The following IRAG2 variants were observed in gnomAD, a reference collection of about 807,000 sequenced individuals.
The protein encoded by IRAG2 is lymphoid restricted membrane protein.
In IRAG2, 45 loss-of-function variants were observed where a neutral mutation model predicts 69.9. The observed-to-expected ratio is 0.64, with a 90% CI of 0.51 to 0.83. The LOEUF (loss-of-function observed/expected upper bound fraction) is 0.83. IRAG2 is among the 40% of genes least tolerant of loss of function. IRAG2 has a pLI of 0.00. For missense variants in IRAG2, 520 were observed against 587.0 expected (o/e 0.89, Z 1.18); for synonymous variants, 193 against 202.4 (o/e 0.95, Z 0.40).
At position 25,103,994 on chromosome 12, in the gene IRAG2, G is replaced by T; in HGVS notation, c.997-15G>T. 6.2e-7 allele frequency: 1 copy of T among 1,612,184 alleles called. No individual in the cohort carries two copies. ...TATTTTATCATTTCTTTTAACATTT[G>T]AACTTCTACTAAAGGTGGCTGGGAT... On this transcript the variant is annotated splice_polypyrimidine_tract_variant and intron_variant, in intron 18 of 21. Coordinates refer to ENST00000556887, the MANE Select transcript of IRAG2 (RefSeq NM_001366544.2).
At chr12:25,038,448 A>T (rs555818438) in intron 16 of IRAG2, among the ~76,000 whole-genome samples, 1 of 152,050 alleles carries the variant, frequency 6.6e-6, no homozygotes, top group African/African-American at 2.4e-5. Flanking sequence ...TTTGAGACCA[A>T]CCTGGCCAAC....
At chr12:25,063,149 G>A (rs1045400902) in intron 3 of IRAG2, among the ~76,000 whole-genome samples, 3 of 152,120 alleles carry the variant, frequency 2.0e-5, no homozygotes, top group Non-Finnish European at 2.9e-5. Context: ...TGCAACCTCC[G>A]CCTCCTGGGT....
rs1944517623 is a variant in IRAG2 at position 25,015,263 on chromosome 12, T to C, written c.976+2T>C. ...ATGGCATAAAATCAGATGGAACAAG[T>C]ATGTATGTGTTTCTTCAGGATTGTT... On this transcript the variant is annotated splice_donor_variant, in intron 4 of 38. Coordinates refer to the IRAG2 transcript ENST00000636465. LOFTEE classifies it high-confidence loss of function. 8.1e-7 allele frequency: 1 copy of C among 1,228,710 alleles called. No individual in the cohort carries two copies. The highest frequency in any genetic ancestry group is 1.0e-6 in the Non-Finnish European group (1 of 987,080). 76.1% of individuals were successfully genotyped at this position (1,228,710 alleles called of 1,614,324 possible).
intron 4 of IRAG2, 142 bp from the exon 5 acceptor site, chr12:25,066,223 T>C (rs1034392059): frequency 1.3e-5 from 5 of 384,044 alleles, no homozygotes; most frequent in African/African-American, 1.0e-4. Flanking sequence ...TGATTAGGCA[T>C]CAAGGGAGTT....
At chr12:25,054,143 T>A (rs1431959729) in intron 1 of IRAG2, among the ~76,000 whole-genome samples, 1 of 152,230 alleles carries the variant, frequency 6.6e-6, no homozygotes, top group Admixed American at 6.5e-5. Context: ...TCATAATTTT[T>A]AAACCTTTAT....
At chr12:25,087,927 C>T (rs1236944264) in intron 10 of IRAG2, among the ~76,000 whole-genome samples, 173 bp from the exon 11 acceptor site, 4 of 152,164 alleles carry the variant, frequency 2.6e-5, no homozygotes, top group African/African-American at 9.7e-5. Context: ...CTCACCTCAC[C>T]CCCGTGGAAA....
chr12:25,057,085 C>T (rs1302093855), intron 1 of IRAG2, among the ~76,000 whole-genome samples: 3 of 152,032 alleles, frequency 2.0e-5, no homozygotes, highest in African/African-American at 7.3e-5. Flanking sequence ...CATTTCCACT[C>T]TCTTGTTTTT....
At chr12:25,078,321 A>G (rs1041920094) in intron 6 of IRAG2, among the ~76,000 whole-genome samples, 4 of 152,186 alleles carry the variant, frequency 2.6e-5, no homozygotes, top group Non-Finnish European at 4.4e-5. Flanking sequence ...GTCTGTGACT[A>G]TGGGAGATAC....
chr12:25,061,361 A>C (rs1945625302), intron 1 of IRAG2, among the ~76,000 whole-genome samples: 1 of 152,138 alleles, frequency 6.6e-6, no homozygotes, highest in Non-Finnish European at 1.5e-5. Context: ...CCATCTCTAC[A>C]AAAAATACCA....
In IRAG2 at chr12:25,103,916, G is replaced by C. The variant is rs776210597; in HGVS notation, c.996+17G>C. On this transcript the variant is annotated intron_variant, in intron 18 of 21. Transcript: ENST00000556887. ...GCAGGAATGGTAAGACAATTCCTAA[G>C]TGTTCTTAGTCAAAGGTAAATTCAT... is the stretch of plus-strand genomic sequence containing the variant. 5.6e-6 allele frequency: 9 copies of C among 1,608,732 alleles called. No individual in the cohort carries two copies. Among genetic ancestry groups the C allele is most frequent in the Non-Finnish European group, 6.8e-6 (8 of 1,175,382 alleles).
In IRAG2 at chr12:25,079,226, CCTTT is replaced by C; in HGVS notation, c.25-13_25-10del. 1.9e-6 allele frequency: 3 copies of C among 1,613,622 alleles called. No individual in the cohort carries two copies. Among genetic ancestry groups the C allele is most frequent in the Non-Finnish European group, 2.5e-6 (3 of 1,179,584 alleles). ...ATGTCAAATTGTTGAACTTATGTCT[CCTTT>C]CTTTTTCCTTAAGGAGAATGGTGTT... On this transcript the variant is annotated splice_polypyrimidine_tract_variant and intron_variant, in intron 6 of 21. Transcript: ENST00000556887.
rs1461154236 is a variant in IRAG2 at position 25,106,544 on chromosome 12, GGCAGAGTTTCTCTGCATATATATAT to G, written c.1149-392_1149-368del. Among the ~76,000 whole-genome samples the G allele has an allele frequency of 6.5e-4, 14 of 21,402 alleles. No homozygotes were observed. The South Asian group carries it at 0.017, about 26-fold the overall frequency. 14.0% of individuals were successfully genotyped at this position (21,402 alleles called of 152,430 possible). A position where few individuals can be genotyped will look rare whatever the true frequency, so the allele number is the denominator to read the frequency against. ...GCAACAGAGTTTCTTCTCCAGCCTA[GGCAGAGTTTCTCTGCATATATATAT>G]GCAGAGAAAGAATTCATAGTAATAA... is the stretch of plus-strand genomic sequence containing the variant. On this transcript the variant is annotated intron_variant, in intron 20 of 21. Transcript: ENST00000556887.
intron 20 of IRAG2, among the ~76,000 whole-genome samples, 177 bp from the exon 21 acceptor site, chr12:25,106,766 G>T: frequency 6.6e-6 from 1 of 151,140 alleles, no homozygotes. Context: ...TTCTATAAAA[G>T]GTTTAAATTA....
At chr12:25,061,797 G>A (rs143058764) in intron 2 of IRAG2, 144 bp downstream of exon 2, 3 of 394,182 alleles carry the variant, frequency 7.6e-6, no homozygotes, top group African/African-American at 6.2e-5. Flanking sequence ...GGTGGACTTT[G>A]TTCTCTTCTG....
intron 1 of IRAG2, among the ~76,000 whole-genome samples, chr12:25,055,528 T>C (rs1480418403): frequency 6.6e-6 from 1 of 152,240 alleles, no homozygotes. Flanking sequence ...TATATATGTA[T>C]ACATGTACCA....
intron 6 of IRAG2, among the ~76,000 whole-genome samples, chr12:25,074,696 G>A (rs1012203653): frequency 2.6e-5 from 4 of 152,312 alleles, no homozygotes; most frequent in African/African-American, 9.6e-5. Flanking sequence ...GAAGGCCAGA[G>A]TATATCTTGA....
At chr12:25,078,552 C>T (rs1427762672) in intron 6 of IRAG2, among the ~76,000 whole-genome samples, 1 of 151,990 alleles carries the variant, frequency 6.6e-6, no homozygotes, top group Non-Finnish European at 1.5e-5. Context: ...ACTAGAAAAG[C>T]TTGTTATTAG....
intron 9 of IRAG2, chr12:25,030,266 G>C (rs1030172287): frequency 8.1e-7 from 1 of 1,231,258 alleles, no homozygotes; most frequent in Non-Finnish European, 1.0e-6. Context: ...CCCTAAATTC[G>C]TCTCTTTTCA....
At chr12:25,032,126 C>T (rs1244897575) in intron 10 of IRAG2, 5 of 398,834 alleles carry the variant, frequency 1.3e-5, no homozygotes, top group Non-Finnish European at 2.2e-5. Flanking sequence ...TATTATTTCT[C>T]TCTTCTACTT....
Sources: gnomAD v4.1 joint callset for allele counts (sites outside exome capture counted in the v4.1 genomes callset) on GRCh38, gnomAD v4.1.1 for gene constraint, MANE v1.5 for transcripts, NCBI Gene and HGNC (gene_info 2026-07-23, HGNC 2026-07-21) for gene names.